Variants in PDLIM7 observed in about 807,000 individuals in gnomAD.
PDLIM7 encodes the protein PDZ and LIM domain protein 7.
A neutral mutation model predicts 53.9 loss-of-function variants in PDLIM7; 37 were observed. The observed-to-expected ratio is 0.69, with a 90% CI of 0.53 to 0.90. The LOEUF (loss-of-function observed/expected upper bound fraction) is 0.90. PDLIM7 is among the 40% of genes least tolerant of loss of function. The probability of loss-of-function intolerance (pLI) is 0.00; values close to 1 mark genes in which losing one functional copy is unlikely to be tolerated. For missense variants in PDLIM7, 617 were observed against 638.5 expected, an observed-to-expected ratio of 0.97 and a Z score of 0.36; for synonymous variants, 300 against 261.3, an observed-to-expected ratio of 1.15 and a Z score of -1.43.
At chr5:177,489,987 C>A in intron 7 of PDLIM7, 155 bp from the exon 8 acceptor site, 2 of 1,535,436 alleles carry the variant, frequency 1.3e-6, no homozygotes, top group Non-Finnish European at 1.7e-6. Context: ...ATGGGAAGGG[C>A]AGCTTCTCCT....
chr5:177,486,848 G>T (rs185508350), intron 10 of PDLIM7, among the ~76,000 whole-genome samples: 1 of 150,314 alleles, frequency 6.7e-6, no homozygotes, highest in East Asian at 2.0e-4. Flanking sequence ...AGCCAGGATG[G>T]TCTCAATCTC....
chr5:177,490,854 G>A lies in PDLIM7; in HGVS notation c.572+16C>T, dbSNP rs1202316818. 4.3e-6 allele frequency: 7 copies of A among 1,613,634 alleles called. No homozygotes were observed. Among genetic ancestry groups the A allele is most frequent in the Non-Finnish European group, 3.4e-6 (4 of 1,179,806 alleles). ...GAGGCAGGAGGTGGGAGAGGGGCTG[G>A]TGCCCGTCCCTGTACCTTGATTTCT... On this transcript the variant is annotated intron_variant, in intron 7 of 12. Coordinates refer to ENST00000355841, the MANE Select transcript of PDLIM7 (RefSeq NM_005451.5).
At chr5:177,491,346 C>T (rs574576993) in intron 5 of PDLIM7, 200 bp from the exon 6 acceptor site, 11 of 1,548,076 alleles carry the variant, frequency 7.1e-6, no homozygotes, top group African/African-American at 4.1e-5. Flanking sequence ...GGGGAGGGGC[C>T]GCCACCCAGA....
At position 177,484,085 on chromosome 5, in the gene PDLIM7, G is replaced by A; in HGVS notation, c.1156C>T (p.Pro386Ser). 6.2e-7 allele frequency: 1 copy of A among 1,613,986 alleles called. No homozygotes were observed. The highest frequency in any genetic ancestry group is 8.5e-7 in the Non-Finnish European group (1 of 1,179,980). ...NRAFYMEEGV[P>S]YCERDYEKMF... ...CAGTGGGTACCTCGCTCGCAATAGG[G>A]CACGCCCTCCTCCATGTAGAAGGCC... Residue 386 changes from proline (P) to serine (S), a missense_variant, in exon 11 of 13, where the codon CCC becomes TCC. By Grantham distance (74) the Pro-to-Ser change is moderately conservative. Coordinates refer to ENST00000355841, the MANE Select transcript of PDLIM7 (RefSeq NM_005451.5).
chr5:177,490,184 G>A (rs1359356381), intron 7 of PDLIM7: 32 of 1,446,546 alleles, frequency 2.2e-5, no homozygotes, highest in East Asian at 5.1e-5. Context: ...TCCGAACCAC[G>A]AAACACCCCC....
At chr5:177,485,637 G>T (rs1413267760) in intron 10 of PDLIM7, among the ~76,000 whole-genome samples, 7 of 152,224 alleles carry the variant, frequency 4.6e-5, no homozygotes, top group Admixed American at 6.5e-5. Flanking sequence ...TCTGGGAGCA[G>T]TACTACTGGT....
At chr5:177,492,461 C>T (rs552486307) in intron 3 of PDLIM7, 26 bp from the exon 4 acceptor site, 19 of 1,613,388 alleles carry the variant, frequency 1.2e-5, no homozygotes, top group African/African-American at 5.3e-5. Context: ...AGCGTGACAG[C>T]GGGCCGGGCC....
chr5:177,489,569 G>A lies in PDLIM7; in HGVS notation c.693C>T (p.Ala231=), dbSNP rs369708491. 3.4e-5 allele frequency: 55 copies of A among 1,610,292 alleles called. No homozygotes were observed. In the East Asian group the frequency reaches 4.0e-4, roughly 12 times the overall value. The change falls in exon 9 of 13, where the codon GCC becomes GCT. Residue 231 remains alanine (A), a synonymous_variant. Transcript: ENST00000355841. ...RPPWAVDPAF[A]ERYAPDKTST... ...TCGTTTTGTCCGGGGCATAGCGCTC[G>A]GCAAACGCAGGGTCCACAGCCCAGG...
chr5:177,491,868 T>C lies in PDLIM7; in HGVS notation c.337A>G (p.Asn113Asp). The C allele has an allele frequency of 8.0e-7, 1 of 1,247,608 alleles. No homozygotes were observed. The highest frequency in any genetic ancestry group is 1.0e-6 in the Non-Finnish European group (1 of 995,274). 77.3% of individuals were successfully genotyped at this position (1,247,608 alleles called of 1,614,324 possible). ...RYTFAPSVSL[N>D]KTARPFGAPP... ...GCCCCAAAGGGCCGGGCCGTCTTGT[T>C]GAGGGAGACGCTGGGTGCAAAGGTG... The change falls in exon 5 of 13, where the codon AAC becomes GAC. Residue 113 changes from asparagine to aspartate, a missense_variant. By Grantham distance (23) the Asn-to-Asp change is conservative. Coordinates refer to ENST00000355841, the MANE Select transcript of PDLIM7 (RefSeq NM_005451.5).
intron 7 of PDLIM7, 145 bp downstream of exon 7, chr5:177,490,723 AAG>A: frequency 2.2e-6 from 1 of 460,284 alleles, no homozygotes; most frequent in South Asian, 2.6e-5. Flanking sequence ...GGAAGGAAGG[AAG>A]GAAGGAAGGA....
intron 2 of PDLIM7, among the ~76,000 whole-genome samples, chr5:177,493,653 G>A (rs1182718336): frequency 6.6e-6 from 1 of 152,218 alleles, no homozygotes; most frequent in Non-Finnish European, 1.5e-5. Context: ...GCCCTGAGAG[G>A]GTGACCCTGA....
intron 10 of PDLIM7, among the ~76,000 whole-genome samples, chr5:177,486,434 C>A (rs1166033187): frequency 6.6e-6 from 1 of 152,156 alleles, no homozygotes; most frequent in African/African-American, 2.4e-5. Context: ...GAGCAACTAG[C>A]CCCTGCTCAC....
rs1758294616 is a variant in PDLIM7, at chr5:177,483,666, C to T, written c.1352G>A (p.Ser451Asn). 6.2e-7 allele frequency: 1 copy of T among 1,612,222 alleles called. No individual in the cohort carries two copies. The highest frequency in any genetic ancestry group is 1.7e-5 in the Admixed American group (1 of 59,970). The stretch of plus-strand genomic sequence containing the variant: ...GGCTCACACATGAGAGAAGGCATGG[C>T]TCTTGCAGAGAGGCCTGTCCTTCTT... ...YSKKDRPLCKSHAFSHV is the reference protein window; with the variant it reads ...YSKKDRPLCKNHAFSHV The change falls in exon 13 of 13, where the codon AGC (serine) becomes AAC (asparagine). Residue 451 changes from serine (S) to asparagine (N), a missense_variant. Coordinates refer to ENST00000355841, the MANE Select transcript of PDLIM7 (RefSeq NM_005451.5).
Position 177,489,801 on chromosome 5 carries a change from C to G in PDLIM7, c.604G>C (p.Ala202Pro). Residue 202 changes from alanine (A) to proline (P), a missense_variant, in exon 8 of 13, where the codon GCC (alanine) becomes CCC (proline). Ala to Pro is a conservative substitution (Grantham distance 27). Coordinates refer to ENST00000355841, the MANE Select transcript of PDLIM7 (RefSeq NM_005451.5). ...QVPRTEAPAP[A>P]SSTPQEPWPG... ...CAGGGCTCCTGGGGTGTAGATGAGG[C>G]TGGGGCTGGGGCTTCTGTCCTGGGC... 1.3e-6 allele frequency: 2 copies of G among 1,574,868 alleles called. No individual in the cohort carries two copies. Among genetic ancestry groups the G allele is most frequent in the Non-Finnish European group, 1.7e-6 (2 of 1,162,252 alleles).
intron 10 of PDLIM7, 46 bp from the exon 11 acceptor site, chr5:177,484,236 C>A: frequency 6.2e-7 from 1 of 1,604,748 alleles, no homozygotes; most frequent in Non-Finnish European, 8.5e-7. Context: ...CCCCTCCTGC[C>A]CTGCCCTGGG....
intron 2 of PDLIM7, among the ~76,000 whole-genome samples, chr5:177,494,612 A>G (rs1758972468): frequency 6.6e-6 from 1 of 152,076 alleles, no homozygotes; most frequent in Non-Finnish European, 1.5e-5. Flanking sequence ...GGCAGGAAGC[A>G]CAGAGGATGA....
intron 7 of PDLIM7, chr5:177,490,586 A>T (rs1321762968): frequency 4.5e-6 from 7 of 1,552,684 alleles, no homozygotes; most frequent in Non-Finnish European, 6.1e-6. Flanking sequence ...TCCAGGACAT[A>T]CTTTTCCCTG....
chr5:177,489,156 GT>G (rs1758611049), intron 9 of PDLIM7, among the ~76,000 whole-genome samples: 1 of 152,244 alleles, frequency 6.6e-6, no homozygotes, highest in Admixed American at 6.5e-5. Flanking sequence ...TCAGCCTATG[GT>G]TGGCCCTTCG....
intron 7 of PDLIM7, chr5:177,490,634 G>T: frequency 7.1e-7 from 1 of 1,416,838 alleles, no homozygotes; most frequent in South Asian, 1.2e-5. Context: ...TGGAAGGAAG[G>T]AGAGATGGAA....
Sources: allele counts gnomAD v4.1 joint callset (sites outside exome capture counted in the v4.1 genomes callset), GRCh38; gene constraint gnomAD v4.1.1; transcripts MANE v1.5; gene names NCBI Gene and HGNC (gene_info 2026-07-23, HGNC 2026-07-21).